The following PTK2B variants were observed in gnomAD, a reference collection of about 807,000 sequenced individuals.
PTK2B encodes the protein protein-tyrosine kinase 2-beta.
Under a neutral mutation model 142.9 loss-of-function variants are expected in PTK2B, and 71 were observed. The observed-to-expected ratio is 0.50, with a 90% confidence interval of 0.41 to 0.61. PTK2B has a LOEUF of 0.61. PTK2B is among the 20% of genes least tolerant of loss of function. The probability of loss-of-function intolerance (pLI) is 0.00; values close to 1 mark genes in which losing one functional copy is unlikely to be tolerated. For missense variants in PTK2B, 1,105 were observed against 1,320.4 expected, an observed-to-expected ratio of 0.84 and a Z score of 2.53; for synonymous variants, 519 against 503.4, an observed-to-expected ratio of 1.03 and a Z score of -0.42.
intron 1 of PTK2B, among the ~76,000 whole-genome samples, chr8:27,386,060 C>G (rs1226917210): frequency 6.6e-6 from 1 of 152,092 alleles, no homozygotes; most frequent in African/African-American, 2.4e-5. Context: ...TAACTGCATG[C>G]AGTTCTAAAT....
Position 27,437,484 on chromosome 8 carries a change from T to C in PTK2B, c.1515T>C (p.Tyr505=), listed in dbSNP as rs771840585. The C allele has an allele frequency of 2.5e-6, 4 of 1,610,036 alleles. No homozygotes were observed. In the African/African-American group the frequency reaches 5.4e-5, roughly 22 times the overall value. The part of the protein sequence containing the change: ...EEPTWIIMEL[Y]PYGELGHYLE... The stretch of plus-strand genomic sequence containing the variant: ...CCACCTGGATCATCATGGAATTGTA[T>C]CCCTATGGGGAGGTGAGCTGGAGGA... The change falls in exon 17 of 31, where the codon TAT becomes TAC. Residue 505 remains tyrosine, a synonymous_variant. Coordinates refer to ENST00000346049, the MANE Select transcript of PTK2B (RefSeq NM_173176.3).
chr8:27,451,207 T>C (rs1811789901), intron 26 of PTK2B, 129 bp downstream of exon 26: 1 of 1,163,798 alleles, frequency 8.6e-7, no homozygotes. Flanking sequence ...CTTTCCATGT[T>C]GGGAGGGTGT....
chr8:27,373,690 A>T (rs1041682067), intron 1 of PTK2B, among the ~76,000 whole-genome samples: 1 of 151,776 alleles, frequency 6.6e-6, no homozygotes. Flanking sequence ...TCTAAAATAA[A>T]TTTTTTTTAA....
chr8:27,341,266 A>G (rs1290742749), intron 1 of PTK2B, among the ~76,000 whole-genome samples: 1 of 152,204 alleles, frequency 6.6e-6, no homozygotes, highest in Non-Finnish European at 1.5e-5. Context: ...AATGGGATGA[A>G]GGAAAGGCGG....
At chr8:27,311,248 C>T (rs1236649272), upstream of PTK2B, 4 of 1,492,864 alleles carry the variant, frequency 2.7e-6, no homozygotes, top group Non-Finnish European at 3.6e-6. Flanking sequence ...CACGAGCAGC[C>T]GGCTCGGGCG....
At chr8:27,370,197 C>T (rs1291101594) in intron 1 of PTK2B, among the ~76,000 whole-genome samples, 4 of 152,098 alleles carry the variant, frequency 2.6e-5, no homozygotes, top group African/African-American at 9.7e-5. Flanking sequence ...AAAGGGAGCT[C>T]GATGCTGCAA....
At chr8:27,422,683 G>A (rs948570028) in intron 5 of PTK2B, among the ~76,000 whole-genome samples, 7 of 152,196 alleles carry the variant, frequency 4.6e-5, no homozygotes, top group African/African-American at 1.4e-4. Flanking sequence ...CTGTTCAAGC[G>A]ATTCATCAGA....
At chr8:27,366,778 A>G (rs1411528011) in intron 1 of PTK2B, among the ~76,000 whole-genome samples, 2 of 151,852 alleles carry the variant, frequency 1.3e-5, no homozygotes, top group Non-Finnish European at 2.9e-5. Context: ...CCACTCAAGC[A>G]TGTCAAGGGG....
At chr8:27,419,360 C>G (rs986054599) in intron 2 of PTK2B, among the ~76,000 whole-genome samples, 1 of 152,210 alleles carries the variant, frequency 6.6e-6, no homozygotes, top group African/African-American at 2.4e-5. Flanking sequence ...AATCCTCAGT[C>G]TAGTGTCCCA....
At position 27,458,602 on chromosome 8, in the gene PTK2B, A is replaced by G; in HGVS notation, c.*93A>G. 4 of 1,327,526 alleles carry G rather than the reference A, an allele frequency of 3.0e-6. No homozygotes were observed. Among genetic ancestry groups the G allele is most frequent in the Admixed American group, 2.1e-5 (1 of 48,414 alleles). The allele number at this position is 1,327,526 out of a possible 1,614,324, so 82.2% of individuals were successfully genotyped here. ...TTGGTCATGTGGGTCTTCCAGGGGGAAGGCCAAGGGGAGTCACCTTCCCTT... is the reference window on the plus strand; with the variant it reads ...TTGGTCATGTGGGTCTTCCAGGGGGGAGGCCAAGGGGAGTCACCTTCCCTT... On this transcript the variant is annotated 3_prime_UTR_variant, in exon 31 of 31. Coordinates refer to ENST00000346049, the MANE Select transcript of PTK2B (RefSeq NM_173176.3).
rs751019 is a variant in PTK2B at position 27,451,068 on chromosome 8, A to T, written c.2513A>T (p.Lys838Met). 1 of 1,612,014 alleles carries T rather than the reference A, an allele frequency of 6.2e-7. No homozygotes were observed. Among genetic ancestry groups the T allele is most frequent in the Non-Finnish European group, 8.5e-7 (1 of 1,178,232 alleles). Residue 838 changes from lysine to methionine, a missense_variant, in exon 26 of 31, where the codon AAG becomes ATG. Physicochemically the swap from Lys to Met is moderately conservative, Grantham distance 95. Coordinates refer to ENST00000346049, the MANE Select transcript of PTK2B (RefSeq NM_173176.3). ...GACCCCATGGTTTATATGAATGATA[A>T]GTCCCCATTGGTGAGTTGCCAGGAG... ...SLDPMVYMND[K>M]SPLTPEKEVG... is the part of the protein sequence containing the mutation.
At chr8:27,454,366 G>T in intron 29 of PTK2B, 75 bp downstream of exon 29, 1 of 1,575,168 alleles carries the variant, frequency 6.3e-7, no homozygotes. Flanking sequence ...TGCGCTTCCT[G>T]TTGGCTGGCC....
At chr8:27,408,854 G>A (rs898064244) in intron 2 of PTK2B, among the ~76,000 whole-genome samples, 3 of 152,190 alleles carry the variant, frequency 2.0e-5, no homozygotes, top group Non-Finnish European at 4.4e-5. Context: ...CAAACAGAGT[G>A]ATGTGAAACA....
At chr8:27,434,809 G>C (rs1284180640) in intron 13 of PTK2B, among the ~76,000 whole-genome samples, 1 of 152,128 alleles carries the variant, frequency 6.6e-6, no homozygotes, top group Non-Finnish European at 1.5e-5. Flanking sequence ...AGACCATCCT[G>C]ACCAACATGG....
In PTK2B at chr8:27,442,868, C is replaced by A; in HGVS notation, c.2040-7C>A. On this transcript the variant is annotated splice_region_variant and splice_polypyrimidine_tract_variant and intron_variant, in intron 21 of 30. Coordinates refer to ENST00000346049, the MANE Select transcript of PTK2B (RefSeq NM_173176.3). ...TTTCTCTCCTTATCTGACGTGACTC[C>A]CTGCAGTGACGTTTATCAGATGGAG... The A allele has an allele frequency of 1.2e-6, 2 of 1,611,334 alleles. No homozygotes were observed. Among genetic ancestry groups the A allele is most frequent in the Middle Eastern group, 3.3e-4 (2 of 6,050 alleles).
chr8:27,416,188 T>A (rs1809392471), intron 2 of PTK2B, among the ~76,000 whole-genome samples: 1 of 152,250 alleles, frequency 6.6e-6, no homozygotes, highest in Admixed American at 6.5e-5. Context: ...CAGCTGATTC[T>A]AACATTTATG....
intron 1 of PTK2B, among the ~76,000 whole-genome samples, chr8:27,379,535 G>C (rs1466661660): frequency 6.6e-6 from 1 of 152,114 alleles, no homozygotes; most frequent in Admixed American, 6.5e-5. Flanking sequence ...GCCTACCACA[G>C]CTGTTTTAAT....
At chr8:27,343,935 G>A (rs534063916) in intron 1 of PTK2B, among the ~76,000 whole-genome samples, 4 of 152,132 alleles carry the variant, frequency 2.6e-5, no homozygotes, top group East Asian at 1.9e-4. Context: ...CCCAGGAGGC[G>A]GAGCTTGCAG....
At chr8:27,440,623 C>A (rs928717416) in intron 21 of PTK2B, among the ~76,000 whole-genome samples, 182 bp downstream of exon 21, 1 of 152,218 alleles carries the variant, frequency 6.6e-6, no homozygotes, top group African/African-American at 2.4e-5. Flanking sequence ...CGTGGGGAAG[C>A]CTGACTCATC....
Sources: gnomAD v4.1 joint callset for allele counts (sites outside exome capture counted in the v4.1 genomes callset) on GRCh38, gnomAD v4.1.1 for gene constraint, MANE v1.5 for transcripts, NCBI Gene and HGNC (gene_info 2026-07-23, HGNC 2026-07-21) for gene names.